MCTP2: variants seen among roughly 807,000 people sequenced by gnomAD.
MCTP2 encodes multiple C2 and transmembrane domain containing 2.
Under a neutral mutation model 111.6 loss-of-function variants are expected in MCTP2, and 132 were observed. The ratio of observed to expected loss-of-function variants is 1.18; its 90% confidence interval spans 1.03 to 1.37. The LOEUF (loss-of-function observed/expected upper bound fraction) is 1.37, where lower values mean the gene tolerates loss of function less well. MCTP2 is among the 40% of genes most tolerant of loss of function. The pLI is 0.00. For synonymous variants in MCTP2, 395 were observed against 387.7 expected (o/e 1.02, Z -0.22); for missense variants, 1,183 against 1,067.9 (o/e 1.11, Z -1.50).
At chr15:94,413,004 A>G (rs1216191700) in intron 17 of MCTP2, among the ~76,000 whole-genome samples, 3 of 152,240 alleles carry the variant, frequency 2.0e-5, no homozygotes, top group Non-Finnish European at 4.4e-5. Flanking sequence ...TTGATAATCT[A>G]CATGTTTTCA....
chr15:94,403,099 T>C (rs79337282), intron 17 of MCTP2: 16,760 of 986,516 alleles, frequency 0.017, 162 homozygotes, highest in Non-Finnish European at 0.019. Context: ...TCCTTTGCCA[T>C]TGGGGGGTAT....
chr15:94,473,216 C>G (rs1382654131), intron 21 of MCTP2, among the ~76,000 whole-genome samples: 1 of 152,014 alleles, frequency 6.6e-6, no homozygotes, highest in African/African-American at 2.4e-5. Flanking sequence ...TTGGACACAC[C>G]AAAATTATTT....
intron 10 of MCTP2, among the ~76,000 whole-genome samples, chr15:94,366,663 T>C (rs1432632729): frequency 2.0e-5 from 3 of 152,194 alleles, no homozygotes; most frequent in African/African-American, 7.2e-5. Flanking sequence ...TTCTGAAGTC[T>C]TGAATATTCA....
chr15:94,368,036 C>A (rs576127264), intron 11 of MCTP2, among the ~76,000 whole-genome samples: 2 of 152,170 alleles, frequency 1.3e-5, no homozygotes, highest in Admixed American at 1.3e-4. Context: ...GAATTTTTAG[C>A]GTTTAGCAAG....
intron 1 of MCTP2, among the ~76,000 whole-genome samples, chr15:94,274,666 A>T (rs1156915854): frequency 6.6e-6 from 1 of 152,168 alleles, no homozygotes; most frequent in Non-Finnish European, 1.5e-5. Context: ...CAAAACTGAC[A>T]AAAGAGGAAG....
intron 1 of MCTP2, among the ~76,000 whole-genome samples, chr15:94,234,111 C>T (rs1264942598): frequency 6.6e-6 from 1 of 151,962 alleles, no homozygotes; most frequent in African/African-American, 2.4e-5. Context: ...GCTGTTAAGT[C>T]CTTCCTAGAA....
At chr15:94,436,902 G>A (rs934506960) in intron 17 of MCTP2, among the ~76,000 whole-genome samples, 1 of 151,680 alleles carries the variant, frequency 6.6e-6, no homozygotes, top group Admixed American at 6.6e-5. Flanking sequence ...AAGGGAAATA[G>A]GTAACAAACA....
At chr15:94,240,207 A>G (rs1292891107) in intron 1 of MCTP2, among the ~76,000 whole-genome samples, 1 of 152,066 alleles carries the variant, frequency 6.6e-6, no homozygotes, top group East Asian at 1.9e-4. Context: ...TGGTAGCATT[A>G]TCTTAGTCAT....
In MCTP2 at chr15:94,385,538, T is replaced by C. The variant is rs773827777; in HGVS notation, c.1788+13T>C. ...TCCCTTGCTGTCCGTAAGTTTCCTT[T>C]ATTAATAAACAATTTGTGAGTCATT... On this transcript the variant is annotated intron_variant, in intron 14 of 22. Transcript: ENST00000357742. The C allele has an allele frequency of 5.8e-6, 9 of 1,556,584 alleles. No homozygotes were observed. Among genetic ancestry groups the C allele is most frequent in the Non-Finnish European group, 8.0e-6 (9 of 1,128,242 alleles).
intron 17 of MCTP2, among the ~76,000 whole-genome samples, chr15:94,439,931 C>T (rs2083681722): frequency 6.6e-6 from 1 of 152,182 alleles, no homozygotes; most frequent in African/African-American, 2.4e-5. Flanking sequence ...ACACTAAAAT[C>T]CATGGGCTTT....
chr15:94,294,330 G>GA (rs2075163594), intron 1 of MCTP2, among the ~76,000 whole-genome samples: 1 of 152,090 alleles, frequency 6.6e-6, no homozygotes, highest in Admixed American at 6.5e-5. Context: ...CCAAAAGTGA[G>GA]AAAAAAGCCA....
At chr15:94,310,137 A>G (rs957522597) in intron 2 of MCTP2, among the ~76,000 whole-genome samples, 1 of 152,240 alleles carries the variant, frequency 6.6e-6, no homozygotes, top group African/African-American at 2.4e-5. Flanking sequence ...CTACTCAGCA[A>G]TAAAAAAGAA....
chr15:94,262,036 C>T (rs1317230555), intron 1 of MCTP2, among the ~76,000 whole-genome samples: 1 of 152,004 alleles, frequency 6.6e-6, no homozygotes, highest in East Asian at 1.9e-4. Context: ...GTTTTATTTC[C>T]TTCCCTTCTA....
At chr15:94,452,739 CAAGCTACA>C (rs1337186774) in intron 19 of MCTP2, among the ~76,000 whole-genome samples, 1 of 152,108 alleles carries the variant, frequency 6.6e-6, no homozygotes, top group East Asian at 1.9e-4. Context: ...ATGAAGCATC[CAAGCTACA>C]AAAATATAAT....
chr15:94,356,032 A>T, intron 8 of MCTP2, 105 bp from the exon 9 acceptor site: 1 of 1,392,600 alleles, frequency 7.2e-7, no homozygotes. Flanking sequence ...GCAGGGAGGA[A>T]TTTTTTTTAT....
At chr15:94,442,008 G>A (rs2083810356) in intron 18 of MCTP2, among the ~76,000 whole-genome samples, 1 of 152,218 alleles carries the variant, frequency 6.6e-6, no homozygotes, top group African/African-American at 2.4e-5. Context: ...TTTATGGAAT[G>A]TAGCAGAGTA....
intron 1 of MCTP2, among the ~76,000 whole-genome samples, chr15:94,287,985 C>T (rs1056805785): frequency 1.3e-5 from 2 of 152,158 alleles, no homozygotes; most frequent in Admixed American, 6.5e-5. Flanking sequence ...TTTTGTCATG[C>T]CCCGGCTCCC....
At chr15:94,428,947 G>T (rs1324242040) in intron 17 of MCTP2, among the ~76,000 whole-genome samples, 1 of 151,924 alleles carries the variant, frequency 6.6e-6, no homozygotes, top group East Asian at 1.9e-4. Flanking sequence ...AATATTTAGT[G>T]CATCCTGACA....
chr15:94,291,786 C>T (rs2075043687), intron 1 of MCTP2, among the ~76,000 whole-genome samples: 1 of 152,138 alleles, frequency 6.6e-6, no homozygotes, highest in Non-Finnish European at 1.5e-5. Context: ...AGAAAATGCT[C>T]AAAGCCATAA....
Sources: allele counts gnomAD v4.1 joint callset (sites outside exome capture counted in the v4.1 genomes callset), GRCh38; gene constraint gnomAD v4.1.1; transcripts MANE v1.5; gene names NCBI Gene and HGNC (gene_info 2026-07-23, HGNC 2026-07-21).